Variants in LRCH2 observed in about 807,000 individuals in gnomAD.
LRCH2 encodes leucine rich repeats and calponin homology domain containing 2, also known as leucine-rich repeat and calponin homology domain-containing protein 2.
LRCH2 carries 38 observed loss-of-function variants against 68.9 expected under a neutral mutation model. That is an observed-to-expected ratio of 0.55 (90% CI 0.43 to 0.72). The LOEUF (loss-of-function observed/expected upper bound fraction) is 0.72. Ranked by LOEUF, LRCH2 falls within the 30% of genes least tolerant of loss-of-function variation. The pLI, the probability that LRCH2 is intolerant of heterozygous loss-of-function variation, is 0.00. For synonymous variants in LRCH2, 191 were observed against 208.1 expected, an observed-to-expected ratio of 0.92 and a Z score of 0.71; for missense variants, 528 against 572.9, an observed-to-expected ratio of 0.92 and a Z score of 0.80.
At chrX:115,159,562 T>TA (rs1254212182) in intron 11 of LRCH2, among the ~76,000 whole-genome samples, 1 of 109,288 alleles carries the variant, frequency 9.2e-6, no homozygotes, top group Non-Finnish European at 1.9e-5. Flanking sequence ...CCATCCTGGC[T>TA]AACATGGTGA....
rs200347112 is a variant in LRCH2 at position 115,191,495 on chromosome X, C to T, written c.350-3125G>A. ...CTCGATGCCAACAGTGGAGGCCGCT[C>T]GCCTGATGCCTACAGTGGGGGCCAC... On this transcript the variant is annotated intron_variant, in intron 1 of 20. Coordinates refer to ENST00000317135, the MANE Select transcript of LRCH2 (RefSeq NM_020871.4). 1,927 of 1,152,004 alleles carry T rather than the reference C, an allele frequency of 1.7e-3. 1 individual carries two copies. Among genetic ancestry groups the T allele is most frequent in the South Asian group, 1.9e-3 (98 of 51,759 alleles). 94.9% of individuals were successfully genotyped at this position (1,152,004 alleles called of 1,213,427 possible). A position where few individuals can be genotyped will look rare whatever the true frequency, so the allele number is the denominator to read the frequency against.
chrX:115,165,993 A>T, intron 7 of LRCH2, 41 bp from the exon 8 acceptor site: 2 of 919,434 alleles, frequency 2.2e-6, no homozygotes, highest in Non-Finnish European at 3.1e-6. Context: ...GGCATTTTAA[A>T]CTTACGATAT....
intron 1 of LRCH2, chrX:115,192,310 C>T (rs2072845530): frequency 8.6e-7 from 1 of 1,158,871 alleles, no homozygotes; most frequent in African/African-American, 1.8e-5. Flanking sequence ...AGGCCCCTCG[C>T]CTGACGCCCA....
intron 11 of LRCH2, among the ~76,000 whole-genome samples, chrX:115,157,935 A>C (rs1406847615): frequency 9.1e-6 from 1 of 110,423 alleles, no homozygotes; most frequent in African/African-American, 3.3e-5. Context: ...ACAGAAAAAC[A>C]AGTTGAGATC....
intron 1 of LRCH2, among the ~76,000 whole-genome samples, chrX:115,204,419 G>A (rs2072951447): frequency 1.8e-5 from 2 of 112,899 alleles, no homozygotes; most frequent in South Asian, 7.2e-4. Context: ...CCAGTAAATG[G>A]GTTTTTCTTT....
intron 20 of LRCH2, among the ~76,000 whole-genome samples, chrX:115,115,747 T>C (rs782232373): frequency 2.4e-3 from 263 of 109,945 alleles, no homozygotes; most frequent in African/African-American, 8.0e-3. Context: ...AATGATACCA[T>C]CAAGAAAGTG....
At chrX:115,157,853 A>G (rs782132999) in intron 11 of LRCH2, among the ~76,000 whole-genome samples, 272 of 110,203 alleles carry the variant, frequency 2.5e-3, no homozygotes, top group African/African-American at 8.2e-3. Flanking sequence ...CCTTCACTAT[A>G]GTAAATTCTA....
intron 1 of LRCH2, among the ~76,000 whole-genome samples, chrX:115,217,242 A>C (rs2147358891): frequency 8.9e-6 from 1 of 111,757 alleles, no homozygotes; most frequent in Admixed American, 9.5e-5. Flanking sequence ...CAATTTTTTT[A>C]TTATACTTTA....
At chrX:115,190,208 TCA>T in intron 1 of LRCH2, 3 of 1,166,051 alleles carry the variant, frequency 2.6e-6, no homozygotes, top group Non-Finnish European at 3.4e-6. Context: ...GTCCCTGCGC[TCA>T]GAGACTACAG....
chrX:115,191,972 G>C, intron 1 of LRCH2: 1 of 1,167,122 alleles, frequency 8.6e-7, no homozygotes, highest in Non-Finnish European at 1.1e-6. Context: ...GGCCGTGACA[G>C]TTCCAGCAAC....
At chrX:115,153,050 T>C (rs1453715276) in intron 12 of LRCH2, among the ~76,000 whole-genome samples, 1 of 107,686 alleles carries the variant, frequency 9.3e-6, no homozygotes, top group African/African-American at 3.4e-5. Context: ...AGCTCATGCC[T>C]GTAATCCCAA....
chrX:115,156,056 G>C, intron 12 of LRCH2, among the ~76,000 whole-genome samples: 1 of 111,423 alleles, frequency 9.0e-6, no homozygotes, highest in Non-Finnish European at 1.9e-5. Context: ...TATGTCTTGG[G>C]ACTGCTGGAA....
At chrX:115,190,186 C>T (rs1013620937) in intron 1 of LRCH2, 30 of 1,166,714 alleles carry the variant, frequency 2.6e-5, no homozygotes, top group Admixed American at 1.3e-4. Context: ...GTGCCGCGAC[C>T]CTGGGGATTT....
chrX:115,166,338 C>G lies in LRCH2; in HGVS notation c.1003G>C (p.Glu335Gln). The change falls in exon 7 of 21, where the codon GAA (glutamate) becomes CAA (glutamine). Residue 335 changes from glutamate to glutamine, a missense_variant. By Grantham distance (29) the Glu-to-Gln change is conservative (BLOSUM62 2). Transcript: ENST00000317135. ...MPSQPLTDSMEDFYPNKNHGP... is the reference protein window; with the variant it reads ...MPSQPLTDSMQDFYPNKNHGP... ...TGATTTTTATTTGGATAAAAATCTT[C>G]CATACTATGGAAATAGAAATCCTAA... 8.7e-7 allele frequency: 1 copy of G among 1,147,522 alleles called. No homozygotes were observed. The highest frequency in any genetic ancestry group is 1.2e-6 in the Non-Finnish European group (1 of 843,561). The allele number at this position is 1,147,522 out of a possible 1,213,427, so 94.6% of individuals were successfully genotyped here.
chrX:115,192,418 G>A (rs2072848717), intron 1 of LRCH2: 1 of 1,165,049 alleles, frequency 8.6e-7, no homozygotes, highest in Non-Finnish European at 1.1e-6. Flanking sequence ...CTTGCCTGAC[G>A]CCTACAGCGG....
rs2072555679 is a variant in LRCH2, at chrX:115,165,891, G to A, written c.1148C>T (p.Thr383Ile). The change falls in exon 8 of 21, where the codon ACA becomes ATA. Residue 383 changes from threonine (T) to isoleucine (I), a missense_variant. Transcript: ENST00000317135. ...TATTATGTGACTGTCATTTCTTGAT[G>A]TCTGCTCTCTATTTGATTCTGAGAC... ...SQVSESNREQ[T>I]SRNDSHIIGS... is the part of the protein sequence containing the mutation. 4 of 1,167,551 alleles carry A rather than the reference G, an allele frequency of 3.4e-6. No homozygotes were observed. The highest frequency in any genetic ancestry group is 3.4e-6 in the Non-Finnish European group (3 of 871,403).
intron 3 of LRCH2, among the ~76,000 whole-genome samples, chrX:115,182,035 T>C (rs782381655): frequency 2.2e-4 from 24 of 111,474 alleles, no homozygotes; most frequent in African/African-American, 7.8e-4. Context: ...AATCTAGAAA[T>C]GATTTAAAGT....
intron 14 of LRCH2, 21 bp downstream of exon 14, chrX:115,149,806 T>TA: frequency 9.8e-7 from 1 of 1,023,879 alleles, no homozygotes; most frequent in Non-Finnish European, 1.3e-6. Flanking sequence ...AAAGTAAATT[T>TA]AAAAACTTAA....
intron 1 of LRCH2, among the ~76,000 whole-genome samples, chrX:115,189,267 G>A (rs1603071288): frequency 8.9e-6 from 1 of 112,272 alleles, no homozygotes; most frequent in East Asian, 2.8e-4. Context: ...TCCTCTACCT[G>A]TATCATAGAC....
Sources: gnomAD v4.1 joint callset for allele counts (sites outside exome capture counted in the v4.1 genomes callset) on GRCh38, gnomAD v4.1.1 for gene constraint, MANE v1.5 for transcripts, NCBI Gene and HGNC (gene_info 2026-07-23, HGNC 2026-07-21) for gene names.